UTRN: variants seen among roughly 807,000 people sequenced by gnomAD.
UTRN encodes the protein dystrophin-related protein 1.
UTRN carries 283 observed loss-of-function variants against 463.9 expected under a neutral mutation model. The ratio of observed to expected loss-of-function variants is 0.61; its 90% confidence interval spans 0.55 to 0.67. UTRN has a LOEUF of 0.67. Among genes scored for constraint, UTRN ranks in the 30% least tolerant of loss-of-function variants. The pLI is 0.00. For synonymous variants in UTRN, 1,442 were observed against 1,431.5 expected, an observed-to-expected ratio of 1.01 and a Z score of -0.17; for missense variants, 3,922 against 4,084.3, an observed-to-expected ratio of 0.96 and a Z score of 1.08.
chr6:144,404,287 G>T (rs186474584), intron 3 of UTRN, among the ~76,000 whole-genome samples: 1 of 152,172 alleles, frequency 6.6e-6, no homozygotes, highest in African/African-American at 2.4e-5. Flanking sequence ...TGCATAATTG[G>T]CAGTTATATG....
chr6:144,778,302 A>G (rs1775513184), intron 60 of UTRN, among the ~76,000 whole-genome samples: 1 of 152,118 alleles, frequency 6.6e-6, no homozygotes, highest in Non-Finnish European at 1.5e-5. Flanking sequence ...AGAAGAAGGA[A>G]GGATGTTAGG....
chr6:144,339,869 T>C (rs1487808689), intron 2 of UTRN, among the ~76,000 whole-genome samples: 1 of 152,164 alleles, frequency 6.6e-6, no homozygotes, highest in East Asian at 1.9e-4. Context: ...AGCGTAATCA[T>C]ATAAAGAAGA....
At chr6:144,779,412 A>G (rs533733604) in intron 60 of UTRN, among the ~76,000 whole-genome samples, 1 of 152,350 alleles carries the variant, frequency 6.6e-6, no homozygotes, top group South Asian at 2.1e-4. Context: ...ATTAACACAT[A>G]TTTGATATGC....
At chr6:144,636,910 A>G (rs544054767) in intron 51 of UTRN, among the ~76,000 whole-genome samples, 2 of 151,906 alleles carry the variant, frequency 1.3e-5, no homozygotes, top group East Asian at 3.9e-4. Flanking sequence ...GGTTTTTTTT[A>G]TTGGTAACTA....
intron 51 of UTRN, among the ~76,000 whole-genome samples, chr6:144,643,845 T>A (rs185272466): frequency 6.6e-6 from 1 of 152,210 alleles, no homozygotes; most frequent in East Asian, 1.9e-4. Flanking sequence ...TGAGACTGGA[T>A]CAAAAATTGC....
At chr6:144,679,022 C>T (rs1342513994) in intron 52 of UTRN, among the ~76,000 whole-genome samples, 7 of 152,056 alleles carry the variant, frequency 4.6e-5, no homozygotes, top group African/African-American at 1.7e-4. Flanking sequence ...CTAAGAAGTG[C>T]CAAGTCAGAG....
chr6:144,319,417 G>A (rs967595302), intron 2 of UTRN, among the ~76,000 whole-genome samples: 2 of 152,110 alleles, frequency 1.3e-5, no homozygotes, highest in African/African-American at 4.8e-5. Flanking sequence ...TTAGATGATT[G>A]TTTCTCGGAA....
rs373440609 is a variant in UTRN, at chr6:144,473,727, C to G, written c.3074C>G (p.Ser1025Ter). The change falls in exon 24 of 75, where the codon TCA (serine) becomes TGA (stop). Residue 1025 changes from serine (S) to a stop codon, truncating the protein, a stop_gained. Transcript: ENST00000367545. LOFTEE classifies it high-confidence loss of function. ...ALTLRAFEAD[S>*]TVIEKWMDGV... Reference sequence around the variant, plus strand: ...GTTATCATGTTCGATTAGGCCGATTCAACAGTCATTGAGAAGTGGATGGAT... The same window carrying G: ...GTTATCATGTTCGATTAGGCCGATTGAACAGTCATTGAGAAGTGGATGGAT... The G allele has an allele frequency of 6.2e-7, 1 of 1,613,866 alleles. No homozygotes were observed.
intron 2 of UTRN, among the ~76,000 whole-genome samples, chr6:144,345,344 A>T (rs1473177117): frequency 6.6e-6 from 1 of 152,140 alleles, no homozygotes; most frequent in Non-Finnish European, 1.5e-5. Context: ...ATGTGATCCC[A>T]ACACAACATC....
intron 53 of UTRN, among the ~76,000 whole-genome samples, chr6:144,726,530 A>C (rs1787900454): frequency 6.6e-6 from 1 of 152,214 alleles, no homozygotes; most frequent in African/African-American, 2.4e-5. Flanking sequence ...AAACAGAAAA[A>C]GTCCCTGGTC....
At chr6:144,690,333 C>T (rs554848926) in intron 52 of UTRN, among the ~76,000 whole-genome samples, 10 of 151,758 alleles carry the variant, frequency 6.6e-5, no homozygotes, top group Non-Finnish European at 1.5e-4. Context: ...GTGTAGCCAG[C>T]AGCAGTAAGA....
intron 12 of UTRN, 47 bp downstream of exon 12, chr6:144,438,942 G>A: frequency 1.3e-6 from 2 of 1,586,116 alleles, no homozygotes; most frequent in South Asian, 1.1e-5. Flanking sequence ...ATATGAAAGA[G>A]CAGCACTTAG....
At chr6:144,665,531 A>G (rs1348454561) in intron 51 of UTRN, among the ~76,000 whole-genome samples, 5 of 152,212 alleles carry the variant, frequency 3.3e-5, no homozygotes, top group African/African-American at 9.6e-5. Context: ...TCTATGGGTT[A>G]TATCATTAGA....
intron 2 of UTRN, among the ~76,000 whole-genome samples, chr6:144,382,563 G>A (rs957501581): frequency 7.2e-5 from 11 of 152,306 alleles, no homozygotes; most frequent in South Asian, 6.2e-4. Flanking sequence ...GGCTCTTGCC[G>A]CATGCTGATT....
intron 8 of UTRN, among the ~76,000 whole-genome samples, 177 bp downstream of exon 8, chr6:144,429,070 C>T (rs1407338506): frequency 2.0e-5 from 3 of 152,080 alleles, no homozygotes; most frequent in Admixed American, 2.0e-4. Context: ...TTGTACTTAG[C>T]AGTTTGTGGG....
intron 65 of UTRN, among the ~76,000 whole-genome samples, chr6:144,806,482 A>AG (rs1778158633): frequency 6.6e-6 from 1 of 152,186 alleles, no homozygotes; most frequent in Non-Finnish European, 1.5e-5. Flanking sequence ...AACTTTTTGT[A>AG]AAATAACTAG....
chr6:144,705,472 G>C (rs1056843609), intron 53 of UTRN, among the ~76,000 whole-genome samples: 1 of 152,124 alleles, frequency 6.6e-6, no homozygotes, highest in Non-Finnish European at 1.5e-5. Context: ...AGTAGATTTG[G>C]TGTCTGCCAA....
In UTRN at chr6:144,840,768, C is replaced by G. The variant is rs145835486; in HGVS notation, c.10206C>G (p.His3402Gln). 2 of 1,614,006 alleles carry G rather than the reference C, an allele frequency of 1.2e-6. No homozygotes were observed. Among genetic ancestry groups the G allele is most frequent in the Non-Finnish European group, 1.7e-6 (2 of 1,179,972 alleles). The change falls in exon 73 of 75, where the codon CAC becomes CAG. Residue 3402 changes from histidine (H) to glutamine (Q), a missense_variant. Coordinates refer to ENST00000367545, the MANE Select transcript of UTRN (RefSeq NM_007124.3). Reference sequence around the variant, plus strand: ...GAGAGGACCTGCTGGCCCCACCGCACGACACCAGCACGGATCTCACGGAGG... The same window carrying G: ...GAGAGGACCTGCTGGCCCCACCGCAGGACACCAGCACGGATCTCACGGAGG... ...AAGEDLLAPP[H>Q]DTSTDLTEVM... is the part of the protein sequence containing the mutation.
At chr6:144,590,299 T>C (rs1423000994) in intron 51 of UTRN, among the ~76,000 whole-genome samples, 2 of 152,234 alleles carry the variant, frequency 1.3e-5, no homozygotes, top group African/African-American at 4.8e-5. Flanking sequence ...ATAAGAAAGA[T>C]GGATTGGGTC....
Sources: gnomAD v4.1 joint callset for allele counts (sites outside exome capture counted in the v4.1 genomes callset) on GRCh38, gnomAD v4.1.1 for gene constraint, MANE v1.5 for transcripts, NCBI Gene and HGNC (gene_info 2026-07-23, HGNC 2026-07-21) for gene names.